Variants in MUC7 observed in about 807,000 individuals in gnomAD.
MUC7 encodes mucin 7, secreted, also known as mucin-7.
In MUC7, 2 loss-of-function variants were observed where a neutral mutation model predicts 2.5. The observed-to-expected ratio is 0.81, with a 90% confidence interval of 0.33 to 2.55. The LOEUF (loss-of-function observed/expected upper bound fraction) is 2.55. Among genes scored for constraint, MUC7 ranks in the 30% most tolerant of loss-of-function variants. MUC7 has a pLI of 0.11. For synonymous variants in MUC7, 133 were observed against 173.4 expected, an observed-to-expected ratio of 0.77 and a Z score of 1.83; for missense variants, 408 against 455.6, an observed-to-expected ratio of 0.90 and a Z score of 0.95.
intron 2 of MUC7, among the ~76,000 whole-genome samples, chr4:70,478,440 C>A (rs964055848): frequency 1.4e-4 from 21 of 152,052 alleles, no homozygotes; most frequent in Non-Finnish European, 8.8e-5. Context: ...TATTTCAAAG[C>A]AAATAAAATT....
chr4:70,440,239 T>C (rs755738910), intron 1 of MUC7, among the ~76,000 whole-genome samples: 1 of 152,160 alleles, frequency 6.6e-6, no homozygotes, highest in African/African-American at 2.4e-5. Context: ...GTTCCTGGAG[T>C]CAAATAGCTT....
intron 1 of MUC7, among the ~76,000 whole-genome samples, chr4:70,437,985 A>G (rs1733898012): frequency 6.6e-6 from 1 of 152,208 alleles, no homozygotes; most frequent in Non-Finnish European, 1.5e-5. Flanking sequence ...CTAGCTTTGG[A>G]TACTATAAAT....
upstream of MUC7, among the ~76,000 whole-genome samples, chr4:70,468,620 A>G (rs141136263): frequency 0.091 from 13,780 of 152,232 alleles, 801 homozygotes; most frequent in East Asian, 0.21. Flanking sequence ...CTAATAATAG[A>G]CAAACAGCCA....
intron 1 of MUC7, among the ~76,000 whole-genome samples, chr4:70,434,202 C>T (rs1239493075): frequency 6.6e-6 from 1 of 151,976 alleles, no homozygotes; most frequent in African/African-American, 2.4e-5. Context: ...TGTGTCTCTG[C>T]CAGGTTTGGT....
chr4:70,443,937 C>T (rs141090119), intron 1 of MUC7, among the ~76,000 whole-genome samples: 245 of 152,272 alleles, frequency 1.6e-3, no homozygotes, highest in African/African-American at 5.4e-3. Flanking sequence ...TCACTTTCCA[C>T]GACATAATCC....
At chr4:70,447,994 A>G (rs998155791) in intron 1 of MUC7, among the ~76,000 whole-genome samples, 2 of 152,090 alleles carry the variant, frequency 1.3e-5, no homozygotes, top group African/African-American at 4.8e-5. Flanking sequence ...CCATGAGTTC[A>G]ATGGTTTTCA....
intron 1 of MUC7, among the ~76,000 whole-genome samples, chr4:70,445,661 T>A (rs1317934422): frequency 6.6e-6 from 1 of 151,970 alleles, no homozygotes; most frequent in Non-Finnish European, 1.5e-5. Context: ...TCCACATAAA[T>A]CCCAACCCAG....
intron 1 of MUC7, among the ~76,000 whole-genome samples, chr4:70,465,658 A>G (rs962278810): frequency 6.6e-6 from 1 of 152,192 alleles, no homozygotes. Context: ...GAGATTGAAG[A>G]TCAACTTAAT....
At chr4:70,455,160 C>A (rs1734382018) in intron 1 of MUC7, among the ~76,000 whole-genome samples, 1 of 151,550 alleles carries the variant, frequency 6.6e-6, no homozygotes, top group Admixed American at 6.6e-5. Context: ...AACACTAATT[C>A]TTGGTGAAGC....
At chr4:70,447,478 A>G in intron 1 of MUC7, among the ~76,000 whole-genome samples, 1 of 152,204 alleles carries the variant, frequency 6.6e-6, no homozygotes, top group Non-Finnish European at 1.5e-5. Flanking sequence ...ATAAGTTATG[A>G]TTATATACAA....
intron 2 of MUC7, among the ~76,000 whole-genome samples, chr4:70,478,009 C>A (rs1407645221): frequency 6.6e-6 from 1 of 152,098 alleles, no homozygotes; most frequent in Admixed American, 6.5e-5. Flanking sequence ...TTCTCTAAAT[C>A]CAACTCTAGT....
At chr4:70,463,960 A>G (rs1734619193) in intron 1 of MUC7, among the ~76,000 whole-genome samples, 1 of 152,206 alleles carries the variant, frequency 6.6e-6, no homozygotes, top group African/African-American at 2.4e-5. Flanking sequence ...AGTCATCCGA[A>G]AATAGCCAAA....
intron 1 of MUC7, among the ~76,000 whole-genome samples, chr4:70,436,642 A>G (rs1189727111): frequency 6.6e-6 from 1 of 152,232 alleles, no homozygotes; most frequent in African/African-American, 2.4e-5. Context: ...GGGTTAGAAC[A>G]TGCTCCTTTA....
intron 1 of MUC7, among the ~76,000 whole-genome samples, chr4:70,459,194 T>C (rs1427115984): frequency 6.6e-6 from 1 of 152,048 alleles, no homozygotes; most frequent in African/African-American, 2.4e-5. Context: ...CAAACAAAAA[T>C]AATTGACTGG....
At chr4:70,464,971 G>T (rs1419943502) in intron 1 of MUC7, among the ~76,000 whole-genome samples, 1 of 152,170 alleles carries the variant, frequency 6.6e-6, no homozygotes, top group Admixed American at 6.5e-5. Context: ...CTCCCAGCAG[G>T]GTTCGGCAGA....
intron 1 of MUC7, among the ~76,000 whole-genome samples, chr4:70,446,365 T>A (rs2109710634): frequency 6.6e-6 from 1 of 152,288 alleles, no homozygotes; most frequent in Non-Finnish European, 1.5e-5. Flanking sequence ...GGGTCTGAAA[T>A]CAAGGTGTCT....
intron 1 of MUC7, among the ~76,000 whole-genome samples, chr4:70,433,006 C>T (rs1261142988): frequency 6.6e-6 from 1 of 152,068 alleles, no homozygotes; most frequent in African/African-American, 2.4e-5. Context: ...CCATTGCTTG[C>T]TTTTGTCAGG....
In MUC7 at chr4:70,482,796, C is replaced by A. The variant is rs1479441530; in HGVS notation, c.*918C>A. Reference sequence around the variant, plus strand: ...TATTTTAAACCATGCCAAACTACTGCTTTAATGTCAAGTTTGCAGAATTGT... The same window carrying A: ...TATTTTAAACCATGCCAAACTACTGATTTAATGTCAAGTTTGCAGAATTGT... On this transcript the variant is annotated 3_prime_UTR_variant, in exon 3 of 3. Transcript: ENST00000304887. 1 of 152,150 alleles carries A rather than the reference C, an allele frequency of 6.6e-6. No individual in the cohort carries two copies. Among genetic ancestry groups the A allele is most frequent in the Admixed American group, 6.5e-5 (1 of 15,280 alleles). The allele number at this position is 152,150 out of a possible 1,614,324, so 9.4% of individuals were successfully genotyped here.
chr4:70,457,955 A>G (rs1331216823), intron 1 of MUC7, among the ~76,000 whole-genome samples: 1 of 152,168 alleles, frequency 6.6e-6, no homozygotes, highest in African/African-American at 2.4e-5. Flanking sequence ...TCAAAAATTA[A>G]AATTTTCATG....
Sources: allele counts gnomAD v4.1 joint callset (sites outside exome capture counted in the v4.1 genomes callset), GRCh38; gene constraint gnomAD v4.1.1; transcripts MANE v1.5; gene names NCBI Gene and HGNC (gene_info 2026-07-23, HGNC 2026-07-21).